TIAM1: variants seen among roughly 807,000 people sequenced by gnomAD.
TIAM1 encodes the protein rho guanine nucleotide exchange factor TIAM1.
A neutral mutation model predicts 163.5 loss-of-function variants in TIAM1; 65 were observed. That is an observed-to-expected ratio of 0.40 (90% CI 0.33 to 0.49). The LOEUF (loss-of-function observed/expected upper bound fraction) is 0.49. Among genes scored for constraint, TIAM1 ranks in the 20% least tolerant of loss-of-function variants. The pLI is 0.77. For missense variants in TIAM1, 1,789 were observed against 2,044.7 expected, an observed-to-expected ratio of 0.87 and a Z score of 2.41; for synonymous variants, 833 against 810.1, an observed-to-expected ratio of 1.03 and a Z score of -0.48.
intron 2 of TIAM1, among the ~76,000 whole-genome samples, chr21:31,452,213 C>A (rs938368704): frequency 2.6e-5 from 4 of 152,136 alleles, no homozygotes; most frequent in African/African-American, 9.7e-5. Context: ...CTTGAAAAAG[C>A]AAACTGCCGA....
At chr21:31,280,177 G>A (rs2073485576) in intron 2 of TIAM1, among the ~76,000 whole-genome samples, 1 of 152,144 alleles carries the variant, frequency 6.6e-6, no homozygotes, top group East Asian at 1.9e-4. Flanking sequence ...ATATGGTTTG[G>A]CAGTGCCCCC....
chr21:31,288,410 A>G (rs2073894084), intron 2 of TIAM1, among the ~76,000 whole-genome samples: 1 of 152,154 alleles, frequency 6.6e-6, no homozygotes, highest in African/African-American at 2.4e-5. Flanking sequence ...GCATCTGATG[A>G]GGGCCTGTTC....
intron 5 of TIAM1, among the ~76,000 whole-genome samples, chr21:31,248,217 T>C (rs186683438): frequency 2.6e-5 from 4 of 152,276 alleles, no homozygotes; most frequent in Admixed American, 2.6e-4. Context: ...TAGCATAGCT[T>C]AAGAAGAGAG....
chr21:31,368,348 C>T (rs1555957770), intron 2 of TIAM1, among the ~76,000 whole-genome samples: 2 of 151,912 alleles, frequency 1.3e-5, no homozygotes, highest in Non-Finnish European at 1.5e-5. Flanking sequence ...AACCTTTTCT[C>T]AAACTCCAGG....
chr21:31,207,975 G>A (rs1241077831), intron 11 of TIAM1, among the ~76,000 whole-genome samples: 1 of 152,094 alleles, frequency 6.6e-6, no homozygotes, highest in East Asian at 1.9e-4. Flanking sequence ...GAAGGCCCAG[G>A]GAAAATTGGA....
rs997228826 is a variant in TIAM1, at chr21:31,465,847, C to T, written c.-421-1812G>A. Reference sequence around the variant, plus strand: ...GGCCTCCCAAAAGTGCTGGGTTTACCGGCGTGAGCCACCGCACCTGGCTAA... The same window carrying T: ...GGCCTCCCAAAAGTGCTGGGTTTACTGGCGTGAGCCACCGCACCTGGCTAA... On this transcript the variant is annotated intron_variant, in intron 1 of 28. Coordinates refer to the TIAM1 transcript ENST00000286827. 4.6e-5 allele frequency among the ~76,000 whole-genome samples: 7 copies of T among 151,870 alleles called. No homozygotes were observed. In the South Asian group the frequency reaches 6.3e-4, roughly 14 times the overall value.
intron 2 of TIAM1, among the ~76,000 whole-genome samples, chr21:31,334,391 T>C (rs898738942): frequency 3.9e-5 from 6 of 152,098 alleles, no homozygotes; most frequent in Non-Finnish European, 7.4e-5. Flanking sequence ...CTCAAGGGAT[T>C]CTCCCCCTGC....
chr21:31,495,119 A>C (rs1057333374), intron 1 of TIAM1, among the ~76,000 whole-genome samples: 1 of 152,246 alleles, frequency 6.6e-6, no homozygotes, highest in Non-Finnish European at 1.5e-5. Flanking sequence ...GTGTGGATAC[A>C]TATTTAGATA....
chr21:31,332,147 G>A (rs1481097089), intron 2 of TIAM1, among the ~76,000 whole-genome samples: 1 of 151,874 alleles, frequency 6.6e-6, no homozygotes, highest in East Asian at 1.9e-4. Context: ...TACTCCTGGA[G>A]TAAAAAGGAA....
At chr21:31,402,180 T>A (rs1469201953) in intron 2 of TIAM1, among the ~76,000 whole-genome samples, 1 of 152,024 alleles carries the variant, frequency 6.6e-6, no homozygotes, top group African/African-American at 2.4e-5. Flanking sequence ...GCCACTGCAC[T>A]GCAGCCTGGC....
chr21:31,167,921 C>T (rs995203964), intron 15 of TIAM1, among the ~76,000 whole-genome samples: 7 of 152,102 alleles, frequency 4.6e-5, no homozygotes, highest in African/African-American at 1.7e-4. Context: ...GAATGTCCCA[C>T]ATTCATATGG....
rs552875226 is a variant in TIAM1 at position 31,392,494 on chromosome 21, C to T, written c.-368-53072G>A. 6.3e-4 allele frequency among the ~76,000 whole-genome samples: 93 copies of T among 147,672 alleles called. 1 individual carries two copies. Among genetic ancestry groups the T allele is most frequent in the African/African-American group, 1.5e-3 (59 of 39,784 alleles). ...CTGAGGCAGGAGAATCGCTTGAACC[C>T]GGGAGGCAAAGGTTGTGGTGAGCTG... On this transcript the variant is annotated intron_variant, in intron 2 of 28. Coordinates refer to the TIAM1 transcript ENST00000286827.
chr21:31,186,662 C>G (rs2085319041), intron 14 of TIAM1, among the ~76,000 whole-genome samples: 1 of 151,780 alleles, frequency 6.6e-6, no homozygotes, highest in Non-Finnish European at 1.5e-5. Flanking sequence ...ACCTGTACTC[C>G]CCTAGCGACC....
chr21:31,339,896 G>C (rs1340476924), intron 1 of TIAM1, among the ~76,000 whole-genome samples: 1 of 152,098 alleles, frequency 6.6e-6, no homozygotes, highest in Non-Finnish European at 1.5e-5. Flanking sequence ...AGTGGGTGTT[G>C]CAAAATACTC....
intron 2 of TIAM1, among the ~76,000 whole-genome samples, chr21:31,277,751 C>T (rs2073363678): frequency 6.6e-6 from 1 of 152,128 alleles, no homozygotes; most frequent in South Asian, 2.1e-4. Flanking sequence ...TCTTAATAAA[C>T]TTGCTTTCAC....
At position 31,471,551 on chromosome 21, in the gene TIAM1, C is replaced by A. The variant is rs538014929; in HGVS notation, c.-421-7516G>T. 7.2e-5 allele frequency among the ~76,000 whole-genome samples: 11 copies of A among 152,182 alleles called. No individual in the cohort carries two copies. The South Asian group carries it at 2.3e-3, about 32-fold the overall frequency. ...AGGGAGGTTGATGGAATCAACTTCC[C>A]AGTTCCACAGGGCCCTTGCCCAAAG... On this transcript the variant is annotated intron_variant, in intron 1 of 28. Coordinates refer to the TIAM1 transcript ENST00000286827.
At chr21:31,301,114 C>T (rs2074480163) in intron 2 of TIAM1, among the ~76,000 whole-genome samples, 1 of 152,166 alleles carries the variant, frequency 6.6e-6, no homozygotes, top group African/African-American at 2.4e-5. Context: ...CAACCATACA[C>T]AACAGCTATT....
intron 2 of TIAM1, among the ~76,000 whole-genome samples, chr21:31,389,538 T>C (rs1476654185): frequency 6.6e-6 from 1 of 152,230 alleles, no homozygotes; most frequent in Non-Finnish European, 1.5e-5. Context: ...ATAAAGTCTA[T>C]TCTTAGCCTA....
At chr21:31,243,581 T>C (rs748746452) in intron 6 of TIAM1, among the ~76,000 whole-genome samples, 1 of 152,108 alleles carries the variant, frequency 6.6e-6, no homozygotes, top group Non-Finnish European at 1.5e-5. Context: ...CCCATAAATA[T>C]ATACACATTG....
Sources: gnomAD v4.1 joint callset for allele counts (sites outside exome capture counted in the v4.1 genomes callset) on GRCh38, gnomAD v4.1.1 for gene constraint, MANE v1.5 for transcripts, NCBI Gene and HGNC (gene_info 2026-07-23, HGNC 2026-07-21) for gene names.